SNX29: variants seen among roughly 807,000 people sequenced by gnomAD.
SNX29 encodes sorting nexin 29.
SNX29 carries 78 observed loss-of-function variants against 102.1 expected under a neutral mutation model. That is an observed-to-expected ratio of 0.76 (90% CI 0.64 to 0.92). SNX29 has a LOEUF of 0.92. Ranked by LOEUF, SNX29 falls within the 40% of genes least tolerant of loss-of-function variation. SNX29 has a pLI of 0.00. For synonymous variants in SNX29, 580 were observed against 414.5 expected, an observed-to-expected ratio of 1.40 and a Z score of -4.85; for missense variants, 1,280 against 1,061.7, an observed-to-expected ratio of 1.21 and a Z score of -2.86.
chr16:12,065,599 G>T (rs2050997911), intron 9 of SNX29, among the ~76,000 whole-genome samples: 2 of 152,230 alleles, frequency 1.3e-5, no homozygotes, highest in Admixed American at 6.5e-5. Context: ...AGGACAGACT[G>T]TGGTGGCTCT....
At chr16:12,382,842 G>C (rs1031515643) in intron 16 of SNX29, among the ~76,000 whole-genome samples, 2 of 151,836 alleles carry the variant, frequency 1.3e-5, no homozygotes, top group Non-Finnish European at 2.9e-5. Context: ...GCCTTCTCCT[G>C]CTTCTCTCTG....
chr16:12,237,910 T>C (rs899040754), intron 14 of SNX29, among the ~76,000 whole-genome samples: 1 of 151,798 alleles, frequency 6.6e-6, no homozygotes, highest in Non-Finnish European at 1.5e-5. Context: ...ACTCCTTTTC[T>C]AAATAAATAA....
At chr16:12,159,088 T>A (rs1476996639) in intron 13 of SNX29, among the ~76,000 whole-genome samples, 1 of 152,226 alleles carries the variant, frequency 6.6e-6, no homozygotes, top group African/African-American at 2.4e-5. Context: ...TGCATTATCT[T>A]AGCAATTAGC....
rs2079194093 is a variant in SNX29 at position 12,571,830 on chromosome 16, TTA to T, written c.*3202_*3203del. 4 of 1,045,146 alleles carry T rather than the reference TTA, an allele frequency of 3.8e-6. No homozygotes were observed. The highest frequency in any genetic ancestry group is 1.7e-5 in the African/African-American group (1 of 60,496). The allele number at this position is 1,045,146 out of a possible 1,614,324, so 64.7% of individuals were successfully genotyped here. A position where few individuals can be genotyped will look rare whatever the true frequency, so the allele number is the denominator to read the frequency against. On this transcript the variant is annotated 3_prime_UTR_variant, in exon 21 of 21. Coordinates refer to ENST00000566228, the MANE Select transcript of SNX29 (RefSeq NM_032167.5). ...AAATTCCAGCTTCTTTGATTCCCAC[TTA>T]GCAGTATGCTCCAATCACGTTGCTG...
At chr16:12,353,990 C>A (rs898394925) in intron 15 of SNX29, among the ~76,000 whole-genome samples, 2 of 152,160 alleles carry the variant, frequency 1.3e-5, no homozygotes, top group Non-Finnish European at 2.9e-5. Context: ...CCCATAAGTG[C>A]CCTCAAAGCC....
intron 15 of SNX29, among the ~76,000 whole-genome samples, chr16:12,321,066 C>T (rs2080915198): frequency 6.6e-6 from 1 of 152,130 alleles, no homozygotes. Context: ...TCCAGGAGGT[C>T]CTTACCACCA....
At chr16:12,431,484 T>G (rs1392925174) in intron 18 of SNX29, among the ~76,000 whole-genome samples, 1 of 151,666 alleles carries the variant, frequency 6.6e-6, no homozygotes, top group Non-Finnish European at 1.5e-5. Context: ...TTGAAGTTAT[T>G]GATCCACAGT....
At chr16:12,138,960 T>C (rs771200452) in intron 13 of SNX29, among the ~76,000 whole-genome samples, 4 of 152,056 alleles carry the variant, frequency 2.6e-5, no homozygotes, top group Non-Finnish European at 5.9e-5. Context: ...CCCAACACTT[T>C]GGGAGGCCGA....
At chr16:12,372,165 A>G (rs1012690490) in intron 16 of SNX29, among the ~76,000 whole-genome samples, 1 of 152,222 alleles carries the variant, frequency 6.6e-6, no homozygotes, top group Non-Finnish European at 1.5e-5. Context: ...CCTAACGCAC[A>G]TCTATTTTTA....
chr16:12,328,658 C>T (rs1448730898), intron 15 of SNX29, among the ~76,000 whole-genome samples: 2 of 152,208 alleles, frequency 1.3e-5, no homozygotes, highest in East Asian at 1.9e-4. Context: ...GGAAAAGAAT[C>T]GTTCATCCTT....
At chr16:12,224,369 G>T (rs574256230) in intron 14 of SNX29, among the ~76,000 whole-genome samples, 2 of 152,098 alleles carry the variant, frequency 1.3e-5, no homozygotes, top group Non-Finnish European at 2.9e-5. Context: ...GCCAGGCCCC[G>T]GTGGATGCCA....
At position 12,263,134 on chromosome 16, in the gene SNX29, T is replaced by C. The variant is rs1374982911; in HGVS notation, c.1679-14799T>C. Among the ~76,000 whole-genome samples, 17 of 145,810 alleles carry C rather than the reference T, an allele frequency of 1.2e-4. 1 individual carries two copies. Among genetic ancestry groups the C allele is most frequent in the Non-Finnish European group, 2.3e-4 (15 of 65,928 alleles). Reference sequence around the variant, plus strand: ...TCTCTTCTTGGACTGTTGTCCACCTTTTTTTTTTTTTTTTTGAGACAGGAT... The same window carrying C: ...TCTCTTCTTGGACTGTTGTCCACCTCTTTTTTTTTTTTTTTGAGACAGGAT... On this transcript the variant is annotated intron_variant, in intron 14 of 20. Coordinates refer to ENST00000566228, the MANE Select transcript of SNX29 (RefSeq NM_032167.5).
chr16:12,457,863 C>T (rs747289939), intron 18 of SNX29, among the ~76,000 whole-genome samples: 7 of 152,246 alleles, frequency 4.6e-5, no homozygotes, highest in East Asian at 1.9e-4. Flanking sequence ...GGTCTGCATA[C>T]GGGTGCAATT....
intron 8 of SNX29, 161 bp from the exon 9 acceptor site, chr16:12,061,367 G>A (rs2050766810): frequency 1.6e-6 from 1 of 617,320 alleles, no homozygotes; most frequent in South Asian, 1.9e-5. Context: ...AAGAGGTCTG[G>A]ATCTGGACTC....
chr16:12,202,332 T>C (rs2076933532), intron 14 of SNX29, among the ~76,000 whole-genome samples: 1 of 152,166 alleles, frequency 6.6e-6, no homozygotes, highest in Non-Finnish European at 1.5e-5. Context: ...AATGGAAAGT[T>C]TTTTTTGTTT....
intron 16 of SNX29, among the ~76,000 whole-genome samples, chr16:12,394,878 G>A (rs1292563109): frequency 6.6e-6 from 1 of 152,178 alleles, no homozygotes; most frequent in Admixed American, 6.5e-5. Context: ...TGCTGTGGAA[G>A]AGCTTTGTGG....
chr16:12,125,379 G>T (rs1034580882), intron 11 of SNX29, among the ~76,000 whole-genome samples: 1 of 152,088 alleles, frequency 6.6e-6, no homozygotes, highest in African/African-American at 2.4e-5. Flanking sequence ...CCAGAGTACT[G>T]CTTTGGCTGC....
At chr16:12,030,894 A>T (rs1286393973) in intron 4 of SNX29, among the ~76,000 whole-genome samples, 1 of 152,084 alleles carries the variant, frequency 6.6e-6, no homozygotes, top group East Asian at 1.9e-4. Flanking sequence ...GTTTGCAAAT[A>T]AATGATGGCC....
rs36212472 is a variant in SNX29 at position 12,125,605 on chromosome 16, C to CTTTTTTTT, written c.1403-999_1403-992dup. On this transcript the variant is annotated intron_variant, in intron 11 of 20. Coordinates refer to ENST00000566228, the MANE Select transcript of SNX29 (RefSeq NM_032167.5). ...AGGGGGGCTTGTGGCTGAGATCTCT[C>CTTTTTTTT]TTTTTTTTTTTTTTTTTTTTTTTTT... Among the ~76,000 whole-genome samples the CTTTTTTTT allele has an allele frequency of 1.5e-4, 7 of 45,452 alleles. 2 individuals carry two copies. The highest frequency in any genetic ancestry group is 2.1e-4 in the Non-Finnish European group (5 of 24,226). 29.8% of individuals were successfully genotyped at this position (45,452 alleles called of 152,430 possible). A position where few individuals can be genotyped will look rare whatever the true frequency, so the allele number is the denominator to read the frequency against.
Sources: gnomAD v4.1 joint callset for allele counts (sites outside exome capture counted in the v4.1 genomes callset) on GRCh38, gnomAD v4.1.1 for gene constraint, MANE v1.5 for transcripts, NCBI Gene and HGNC (gene_info 2026-07-23, HGNC 2026-07-21) for gene names.